Variants in SGCZ observed in about 807,000 individuals in gnomAD.
SGCZ encodes zeta-sarcoglycan.
SGCZ carries 40 observed loss-of-function variants against 41.3 expected under a neutral mutation model. The observed-to-expected ratio is 0.97, with a 90% CI of 0.75 to 1.26. SGCZ has a LOEUF of 1.26. SGCZ is among the 50% of genes most tolerant of loss of function. The probability of loss-of-function intolerance (pLI) is 0.00; values close to 1 mark genes in which losing one functional copy is unlikely to be tolerated. For synonymous variants in SGCZ, 206 were observed against 137.5 expected (o/e 1.50, Z -3.49); for missense variants, 552 against 369.8 (o/e 1.49, Z -4.04).
chr8:14,111,753 G>C (rs1207684643), intron 5 of SGCZ, among the ~76,000 whole-genome samples: 2 of 152,142 alleles, frequency 1.3e-5, no homozygotes, highest in Non-Finnish European at 2.9e-5. Flanking sequence ...GATAATTTCT[G>C]GCTTCTGCAG....
intron 1 of SGCZ, among the ~76,000 whole-genome samples, chr8:14,995,046 TA>T (rs1184489621): frequency 6.6e-6 from 1 of 152,256 alleles, no homozygotes; most frequent in African/African-American, 2.4e-5. Flanking sequence ...ATGAGAAATC[TA>T]ACATCACTAG....
chr8:14,804,026 T>A (rs946095811), intron 1 of SGCZ, among the ~76,000 whole-genome samples: 7 of 124,174 alleles, frequency 5.6e-5, no homozygotes, highest in Non-Finnish European at 9.6e-5. Flanking sequence ...GTGCTGTTTG[T>A]TAGAAGGAAA....
chr8:14,514,602 A>G lies in SGCZ; in HGVS notation c.234+40130T>C, dbSNP rs960507316. On this transcript the variant is annotated intron_variant, in intron 2 of 7. Transcript: ENST00000382080. ...ATATATATTACATTTATATAAATAT[A>G]TATCTCTCACATATATTTATATTTC... 8.6e-5 allele frequency among the ~76,000 whole-genome samples: 13 copies of G among 150,366 alleles called. No individual in the cohort carries two copies. In the Admixed American group the frequency reaches 8.7e-4, roughly 10 times the overall value.
chr8:14,606,366 C>T (rs1805748937), intron 1 of SGCZ, among the ~76,000 whole-genome samples: 1 of 152,200 alleles, frequency 6.6e-6, no homozygotes, highest in South Asian at 2.1e-4. Context: ...GTTCTAGCCA[C>T]AATGGCTTTG....
At chr8:14,761,937 T>C (rs2130358560) in intron 1 of SGCZ, among the ~76,000 whole-genome samples, 1 of 152,118 alleles carries the variant, frequency 6.6e-6, no homozygotes, top group East Asian at 1.9e-4. Flanking sequence ...GTGCGTAGAG[T>C]CAGAACTGCA....
chr8:15,091,330 T>C (rs1319992881), intron 1 of SGCZ, among the ~76,000 whole-genome samples: 3 of 152,186 alleles, frequency 2.0e-5, no homozygotes, highest in Admixed American at 2.0e-4. Flanking sequence ...CAACAAACTT[T>C]TGACTAAGAT....
chr8:14,877,475 C>T (rs1804408646), intron 1 of SGCZ, among the ~76,000 whole-genome samples: 2 of 151,986 alleles, frequency 1.3e-5, no homozygotes, highest in African/African-American at 4.8e-5. Context: ...ATGATAATTG[C>T]TTTAATTTTA....
chr8:14,679,321 G>C (rs942176231), intron 1 of SGCZ, among the ~76,000 whole-genome samples: 14 of 151,714 alleles, frequency 9.2e-5, no homozygotes, highest in African/African-American at 3.1e-4. Context: ...TCTTTCAGGA[G>C]GTATTTCTTT....
chr8:14,701,671 T>C (rs1167415240), intron 1 of SGCZ, among the ~76,000 whole-genome samples: 2 of 151,922 alleles, frequency 1.3e-5, no homozygotes, highest in Non-Finnish European at 2.9e-5. Flanking sequence ...TACGGCCCAA[T>C]GTCTTGTTCT....
In SGCZ at chr8:14,974,373, A is replaced by G. The variant is rs191604445; in HGVS notation, c.39+263212T>C. 4.6e-3 allele frequency among the ~76,000 whole-genome samples: 704 copies of G among 152,350 alleles called. 4 individuals carry two copies. The highest frequency in any genetic ancestry group is 0.019 in the South Asian group (91 of 4,834). On this transcript the variant is annotated intron_variant, in intron 1 of 7. Coordinates refer to ENST00000382080, the MANE Select transcript of SGCZ (RefSeq NM_139167.4). The stretch of plus-strand genomic sequence containing the variant: ...TTTTGACCAGGAAGTTCAGAATCAC[A>G]TAGAACATACAACTGGGAACTTGAA...
chr8:14,277,121 A>T (rs373499698), intron 3 of SGCZ, among the ~76,000 whole-genome samples: 1 of 152,188 alleles, frequency 6.6e-6, no homozygotes, highest in Non-Finnish European at 1.5e-5. Context: ...TAATAACATA[A>T]CTATTTCTGG....
intron 2 of SGCZ, among the ~76,000 whole-genome samples, chr8:14,333,358 A>G (rs935952942): frequency 1.3e-5 from 2 of 152,112 alleles, no homozygotes; most frequent in East Asian, 3.9e-4. Flanking sequence ...TAATGGATTA[A>G]TAATAATGTT....
At chr8:14,206,597 T>C (rs573968370) in intron 4 of SGCZ, among the ~76,000 whole-genome samples, 1 of 152,166 alleles carries the variant, frequency 6.6e-6, no homozygotes, top group Non-Finnish European at 1.5e-5. Context: ...TGGAAATTTA[T>C]GATGTGACTT....
At chr8:15,002,579 T>G (rs1802463915) in intron 1 of SGCZ, among the ~76,000 whole-genome samples, 1 of 151,942 alleles carries the variant, frequency 6.6e-6, no homozygotes, top group South Asian at 2.1e-4. Flanking sequence ...AAAATTGAAG[T>G]GAGAAATAAG....
At chr8:14,117,144 G>A (rs1421424378) in intron 5 of SGCZ, among the ~76,000 whole-genome samples, 1 of 152,106 alleles carries the variant, frequency 6.6e-6, no homozygotes, top group East Asian at 1.9e-4. Context: ...TATCTTTAAA[G>A]GTGTTTGTCC....
chr8:14,452,223 C>T (rs941336491), intron 2 of SGCZ, among the ~76,000 whole-genome samples: 32 of 152,124 alleles, frequency 2.1e-4, no homozygotes, highest in African/African-American at 7.5e-4. Flanking sequence ...AGATTACATA[C>T]TATATGATTT....
chr8:14,200,607 T>TTTTG (rs1013274098), intron 4 of SGCZ, among the ~76,000 whole-genome samples: 1 of 152,136 alleles, frequency 6.6e-6, no homozygotes, highest in African/African-American at 2.4e-5. Context: ...AGAGGTGTTT[T>TTTTG]TTTGTTTGTT....
chr8:14,853,310 A>G, intron 1 of SGCZ: 1 of 250,986 alleles, frequency 4.0e-6, no homozygotes, highest in Non-Finnish European at 9.1e-6. Flanking sequence ...TTCCAAACAC[A>G]GGTTAAACAT....
intron 1 of SGCZ, among the ~76,000 whole-genome samples, chr8:14,569,677 C>T (rs757174220): frequency 6.6e-6 from 1 of 151,920 alleles, no homozygotes; most frequent in Non-Finnish European, 1.5e-5. Flanking sequence ...CTCAAGAATG[C>T]CAAGGAAGGA....
Sources: allele counts gnomAD v4.1 joint callset (sites outside exome capture counted in the v4.1 genomes callset), GRCh38; gene constraint gnomAD v4.1.1; transcripts MANE v1.5; gene names NCBI Gene and HGNC (gene_info 2026-07-23, HGNC 2026-07-21).